The following TPRX2 variants were observed in gnomAD, a reference collection of about 807,000 sequenced individuals.
TPRX2 encodes tetrapeptide repeat homeobox 2.
chr19:47,860,614 C>A, the TPRX2 span, among the ~76,000 whole-genome samples: 1 of 151,036 alleles, frequency 6.6e-6, no homozygotes, highest in African/African-American at 2.4e-5. Flanking sequence ...ACCCCACCCT[C>A]CTCCCCCTAC....
the TPRX2 span, chr19:47,861,425 ACT>A: frequency 1.6e-6 from 1 of 642,586 alleles, no homozygotes; most frequent in Non-Finnish European, 2.6e-6. Flanking sequence ...AGGAATCCTC[ACT>A]CTCCACCACG....
chr19:47,861,328 C>G, the TPRX2 span: 1 of 476,120 alleles, frequency 2.1e-6, no homozygotes, highest in Non-Finnish European at 4.2e-6. Flanking sequence ...GCCTTGTGGC[C>G]TCAGAGCCCC....
chr19:47,861,344 C>T, the TPRX2 span: 1 of 473,614 alleles, frequency 2.1e-6, no homozygotes, highest in East Asian at 6.6e-5. Flanking sequence ...GCCCCTATGC[C>T]TCCAACTTGT....
chr19:47,861,529 A>G, the TPRX2 span: 1 of 1,321,260 alleles, frequency 7.6e-7, no homozygotes, highest in Non-Finnish European at 1.0e-6. Context: ...TGTGCCTGCA[A>G]AGTTCTTCAG....
the TPRX2 span, among the ~76,000 whole-genome samples, chr19:47,859,828 C>T: frequency 4.0e-5 from 6 of 150,938 alleles, no homozygotes; most frequent in Admixed American, 1.3e-4. Context: ...TGGGAGGGGA[C>T]GGGGCAGCTG....
At chr19:47,861,291 G>T in the TPRX2 span, 2 of 494,560 alleles carry the variant, frequency 4.0e-6, no homozygotes, top group Admixed American at 4.6e-5. Flanking sequence ...GCCAGGCCCA[G>T]GATCACTCCC....
At chr19:47,859,358 G>A in the TPRX2 span, among the ~76,000 whole-genome samples, 788 of 150,192 alleles carry the variant, frequency 5.2e-3, 13 homozygotes, top group African/African-American at 0.017. Context: ...GAGAAGGGCT[G>A]GGCCTGTGCG....
chr19:47,860,740 G>T, the TPRX2 span: 2 of 1,486,468 alleles, frequency 1.3e-6, no homozygotes, highest in Non-Finnish European at 1.8e-6. Flanking sequence ...GCCCCCGAGC[G>T]GCTCACCCGG....
the TPRX2 span, chr19:47,861,187 C>T: frequency 1.5e-6 from 1 of 655,212 alleles, no homozygotes; most frequent in Admixed American, 2.1e-5. Flanking sequence ...GGCCCAATGT[C>T]AGGCCCACTG....
the TPRX2 span, chr19:47,860,820 C>T: frequency 5.8e-6 from 9 of 1,539,628 alleles, no homozygotes; most frequent in Admixed American, 1.9e-5. Flanking sequence ...CAAGAATCGC[C>T]GCGCCAAACT....
At chr19:47,861,089 C>G in the TPRX2 span, 2 of 718,446 alleles carry the variant, frequency 2.8e-6, no homozygotes, top group East Asian at 2.7e-5. Context: ...TCAAGGCTGT[C>G]CCGGCTCCAG....
chr19:47,861,245 C>A, the TPRX2 span: 9 of 545,172 alleles, frequency 1.7e-5, no homozygotes, highest in Non-Finnish European at 3.2e-5. Context: ...CTTGCCCAGG[C>A]CCAATCCCAG....
At chr19:47,861,183 ATGTCAGGCCCAC>A in the TPRX2 span, 7 of 657,226 alleles carry the variant, frequency 1.1e-5, no homozygotes, top group Admixed American at 1.4e-4. Flanking sequence ...TTTAGGCCCA[ATGTCAGGCCCAC>A]TGTCAGTCTC....
At chr19:47,861,163 C>T in the TPRX2 span, 2 of 682,486 alleles carry the variant, frequency 2.9e-6, no homozygotes, top group Non-Finnish European at 5.4e-6. Context: ...GTCCCAGGCC[C>T]AGCCCCGAAT....
chr19:47,860,799 C>A, the TPRX2 span: 1 of 1,542,276 alleles, frequency 6.5e-7, no homozygotes, highest in Non-Finnish European at 8.7e-7. Flanking sequence ...CTCTGCCCCC[C>A]AGGTGTGGTT....
chr19:47,860,557 C>G, the TPRX2 span, among the ~76,000 whole-genome samples: 20 of 151,796 alleles, frequency 1.3e-4, no homozygotes, highest in Admixed American at 8.5e-4. Flanking sequence ...TGGAACCCTC[C>G]CTGGCCCCCC....
the TPRX2 span, chr19:47,861,398 G>T: frequency 1.9e-6 from 1 of 527,878 alleles, no homozygotes; most frequent in Non-Finnish European, 3.5e-6. Context: ...AGCTGCTCCC[G>T]CTCCTAGACC....
At chr19:47,859,877 C>T in the TPRX2 span, among the ~76,000 whole-genome samples, 3 of 150,448 alleles carry the variant, frequency 2.0e-5, no homozygotes, top group South Asian at 2.1e-4. Context: ...CCGTCTGCTC[C>T]GAGGTGAGGC....
chr19:47,860,909 A>G, the TPRX2 span: 8 of 1,530,422 alleles, frequency 5.2e-6, no homozygotes, highest in Non-Finnish European at 7.0e-6. Flanking sequence ...CTGCGCCCCT[A>G]GTCCCTGTAG....
Sources: allele counts gnomAD v4.1 joint callset (sites outside exome capture counted in the v4.1 genomes callset), GRCh38; gene constraint gnomAD v4.1.1; transcripts MANE v1.5; gene names NCBI Gene and HGNC (gene_info 2026-07-23, HGNC 2026-07-21).